The following PITPNC1 variants were observed in gnomAD, a reference collection of about 807,000 sequenced individuals.
PITPNC1 encodes phosphatidylinositol transfer protein cytoplasmic 1.
In PITPNC1, 18 loss-of-function variants were observed where a neutral mutation model predicts 44.7. The observed-to-expected ratio is 0.40, with a 90% CI of 0.28 to 0.60. The LOEUF is 0.60. PITPNC1 is among the 20% of genes least tolerant of loss of function. The pLI, the probability that PITPNC1 is intolerant of heterozygous loss-of-function variation, is 0.39. For synonymous variants in PITPNC1, 141 were observed against 149.6 expected (o/e 0.94, Z 0.42); for missense variants, 290 against 418.4 (o/e 0.69, Z 2.68).
At chr17:67,452,594 G>A (rs868577818) in intron 1 of PITPNC1, among the ~76,000 whole-genome samples, 8 of 148,270 alleles carry the variant, frequency 5.4e-5, no homozygotes, top group Admixed American at 2.0e-4. Context: ...CTGGGTTCAA[G>A]TGATTCACCT....
At chr17:67,610,192 C>G (rs971144891) in intron 5 of PITPNC1, among the ~76,000 whole-genome samples, 1 of 152,168 alleles carries the variant, frequency 6.6e-6, no homozygotes, top group African/African-American at 2.4e-5. Context: ...TCTCAGGCCC[C>G]ACCCTAGACC....
At position 67,378,109 on chromosome 17, in the gene PITPNC1, G is replaced by T; in HGVS notation, c.-46G>T. ...TGGGCAGCAGCCTTGCTGGTCTTGG[G>T]GGCGCCCCCCGCTTCCCGCCCCGGG... On this transcript the variant is annotated 5_prime_UTR_variant, in exon 1 of 9. Transcript: ENST00000581322. 1 of 1,440,456 alleles carries T rather than the reference G, an allele frequency of 6.9e-7. No individual in the cohort carries two copies. The highest frequency in any genetic ancestry group is 9.4e-7 in the Non-Finnish European group (1 of 1,068,120). The allele number at this position is 1,440,456 out of a possible 1,614,324, so 89.2% of individuals were successfully genotyped here.
chr17:67,454,911 C>T (rs2039234815), intron 1 of PITPNC1, among the ~76,000 whole-genome samples: 1 of 151,486 alleles, frequency 6.6e-6, no homozygotes, highest in South Asian at 2.1e-4. Context: ...CCTCCACCTC[C>T]AGGGCTCAAG....
chr17:67,607,025 G>T (rs2041617051), intron 5 of PITPNC1, among the ~76,000 whole-genome samples: 1 of 152,192 alleles, frequency 6.6e-6, no homozygotes, highest in Admixed American at 6.5e-5. Flanking sequence ...GCAGAATGGA[G>T]CGTGTGACCT....
chr17:67,551,000 G>A (rs1054653324), intron 2 of PITPNC1, among the ~76,000 whole-genome samples: 1 of 152,318 alleles, frequency 6.6e-6, no homozygotes, highest in Non-Finnish European at 1.5e-5. Flanking sequence ...GGCGGAGCTT[G>A]CAGTGAGCCG....
intron 1 of PITPNC1, among the ~76,000 whole-genome samples, chr17:67,526,379 C>A (rs1228478321): frequency 6.6e-6 from 1 of 152,058 alleles, no homozygotes; most frequent in African/African-American, 2.4e-5. Context: ...TTTGATAATC[C>A]CTTACTGTAC....
chr17:67,594,306 T>C (rs2041432203), intron 5 of PITPNC1, among the ~76,000 whole-genome samples: 1 of 152,188 alleles, frequency 6.6e-6, no homozygotes, highest in African/African-American at 2.4e-5. Flanking sequence ...CTCTTTTCTC[T>C]TTCACTTCAG....
chr17:67,578,199 C>T lies in PITPNC1; in HGVS notation c.308C>T (p.Pro103Leu), dbSNP rs2041176259. The change falls in exon 5 of 9, where the codon CCG (proline) becomes CTG (leucine). Residue 103 changes from proline to leucine, a missense_variant. Pro to Leu is a moderately conservative substitution (Grantham distance 98, BLOSUM62 -3). Coordinates refer to ENST00000581322, the MANE Select transcript of PITPNC1 (RefSeq NM_012417.4). Reference protein sequence around the residue: ...TITEYTCSFLPKFSIHIETKY... With the variant: ...TITEYTCSFLLKFSIHIETKY... ...TTTCTCCCACAGTGTTCCTTTCTGC[C>T]GAAATTCTCCATTCATATAGAAACC... The T allele has an allele frequency of 6.2e-7, 1 of 1,611,194 alleles. No homozygotes were observed. Among genetic ancestry groups the T allele is most frequent in the African/African-American group, 1.3e-5 (1 of 74,972 alleles).
At chr17:67,464,824 C>A (rs2039399880) in intron 1 of PITPNC1, among the ~76,000 whole-genome samples, 1 of 151,770 alleles carries the variant, frequency 6.6e-6, no homozygotes, top group South Asian at 2.1e-4. Flanking sequence ...ACCGCAATGT[C>A]TGCCTCTCGG....
At chr17:67,572,210 C>T (rs1173265225) in intron 4 of PITPNC1, among the ~76,000 whole-genome samples, 1 of 152,006 alleles carries the variant, frequency 6.6e-6, no homozygotes, top group Non-Finnish European at 1.5e-5. Context: ...TTTTCCACCC[C>T]CACACTCCTG....
chr17:67,544,326 T>C (rs1415145064), intron 2 of PITPNC1, among the ~76,000 whole-genome samples: 2 of 152,190 alleles, frequency 1.3e-5, no homozygotes, highest in Non-Finnish European at 2.9e-5. Flanking sequence ...GGTGGACTTT[T>C]CTTTTGTCAC....
intron 1 of PITPNC1, among the ~76,000 whole-genome samples, chr17:67,412,094 GT>G (rs2038508104): frequency 6.6e-6 from 1 of 152,140 alleles, no homozygotes; most frequent in Non-Finnish European, 1.5e-5. Flanking sequence ...GTGACCCACA[GT>G]TTCCTTATTT....
At chr17:67,495,040 G>GTTTTTTGTTTTT in intron 1 of PITPNC1, among the ~76,000 whole-genome samples, 1 of 64,704 alleles carries the variant, frequency 1.5e-5, no homozygotes, top group Non-Finnish European at 2.7e-5. Context: ...CCATGGAGTT[G>GTTTTTTGTTTTT]TTTTTTTTTT....
intron 4 of PITPNC1, among the ~76,000 whole-genome samples, chr17:67,556,214 G>A (rs1321891602): frequency 1.3e-5 from 2 of 152,128 alleles, no homozygotes; most frequent in Non-Finnish European, 2.9e-5. Flanking sequence ...TCTGCATTGG[G>A]GCCTTGAGTT....
intron 4 of PITPNC1, among the ~76,000 whole-genome samples, chr17:67,576,882 T>TC (rs2041156878): frequency 6.6e-6 from 1 of 152,236 alleles, no homozygotes; most frequent in Non-Finnish European, 1.5e-5. Context: ...ATCATTTTAT[T>TC]AATATTTAAC....
rs376931209 is a variant in PITPNC1 at position 67,424,708 on chromosome 17, C to G, written c.48+46506C>G. Among the ~76,000 whole-genome samples the G allele has an allele frequency of 3.9e-5, 6 of 152,020 alleles. No homozygotes were observed. The South Asian group carries it at 8.3e-4, about 21-fold the overall frequency. ...ACAAAACTGAGCTGAGGAGACAATT[C>G]GACAATTCATGCAGTCAATAAGTAG... On this transcript the variant is annotated intron_variant, in intron 1 of 8. Coordinates refer to ENST00000581322, the MANE Select transcript of PITPNC1 (RefSeq NM_012417.4).
At chr17:67,682,822 C>A (rs1408183829) in intron 8 of PITPNC1, among the ~76,000 whole-genome samples, 1 of 152,158 alleles carries the variant, frequency 6.6e-6, no homozygotes, top group Non-Finnish European at 1.5e-5. Context: ...GAAGGGCTGA[C>A]TGTTTACCAA....
At chr17:67,548,812 A>C (rs2040719121) in intron 2 of PITPNC1, among the ~76,000 whole-genome samples, 1 of 152,128 alleles carries the variant, frequency 6.6e-6, no homozygotes, top group Admixed American at 6.5e-5. Context: ...CTGCCTTTCT[A>C]ATAGAGAGGC....
intron 6 of PITPNC1, among the ~76,000 whole-genome samples, chr17:67,635,928 T>TA (rs775688280): frequency 7.2e-5 from 11 of 152,176 alleles, no homozygotes; most frequent in Non-Finnish European, 1.6e-4. Context: ...TAGGAGGTGC[T>TA]ACTGGTATCT....
Sources: gnomAD v4.1 joint callset for allele counts (sites outside exome capture counted in the v4.1 genomes callset) on GRCh38, gnomAD v4.1.1 for gene constraint, MANE v1.5 for transcripts, NCBI Gene and HGNC (gene_info 2026-07-23, HGNC 2026-07-21) for gene names.